The following LUC7L variants were observed in gnomAD, a reference collection of about 807,000 sequenced individuals.
LUC7L encodes the protein putative RNA-binding protein Luc7-like 1.
LUC7L carries 29 observed loss-of-function variants against 51.1 expected under a neutral mutation model. The observed-to-expected ratio is 0.57, with a 90% CI of 0.42 to 0.77. The LOEUF (loss-of-function observed/expected upper bound fraction) is 0.77. Among genes scored for constraint, LUC7L ranks in the 30% least tolerant of loss-of-function variants. LUC7L has a pLI of 0.00. For synonymous variants in LUC7L, 181 were observed against 180.7 expected, an observed-to-expected ratio of 1.00 and a Z score of -0.01; for missense variants, 403 against 511.9, an observed-to-expected ratio of 0.79 and a Z score of 2.05.
In LUC7L at chr16:189,285, C is replaced by A. The variant is rs766781976; in HGVS notation, c.1029G>T (p.Glu343Asp). The change falls in exon 10 of 10, where the codon GAG (glutamate) becomes GAT (aspartate). Residue 343 changes from glutamate (E) to aspartate (D), a missense_variant. Glu to Asp is a conservative substitution (Grantham distance 45). Coordinates refer to ENST00000293872, the MANE Select transcript of LUC7L (RefSeq NM_201412.3). Reference sequence around the variant, plus strand: ...CAAGCCTCCAGTCCGGGGGCCCTCGCTCGCTCCGCCCGCTCTCCCAGGACT... The same window carrying A: ...CAAGCCTCCAGTCCGGGGGCCCTCGATCGCTCCGCCCGCTCTCCCAGGACT... ...REESWESGRSERGPPDWRLES... is the reference protein window; with the variant it reads ...REESWESGRSDRGPPDWRLES... The A allele has an allele frequency of 6.2e-7, 1 of 1,613,708 alleles. No individual in the cohort carries two copies. The highest frequency in any genetic ancestry group is 1.1e-5 in the South Asian group (1 of 91,022).
At chr16:199,756 CAAAAAAAAAAAAAAA>C (rs11361921) in intron 5 of LUC7L, among the ~76,000 whole-genome samples, 1 of 61,724 alleles carries the variant, frequency 1.6e-5, no homozygotes, top group South Asian at 5.8e-4. Context: ...AACCCTGTCT[CAAAAAAAAAAAAAAA>C]AAAAAAAAGA....
chr16:194,584 T>A (rs2049101635), intron 6 of LUC7L, among the ~76,000 whole-genome samples: 1 of 152,164 alleles, frequency 6.6e-6, no homozygotes, highest in African/African-American at 2.4e-5. Flanking sequence ...GGGAGCAGAA[T>A]CCCTACAGCC....
At chr16:215,586 G>C (rs1214735769) in intron 3 of LUC7L, among the ~76,000 whole-genome samples, 1 of 149,418 alleles carries the variant, frequency 6.7e-6, no homozygotes, top group Non-Finnish European at 1.5e-5. Flanking sequence ...TCGCGCCATT[G>C]CACTCCAGCC....
At position 229,407 on chromosome 16, in the gene LUC7L, G is replaced by T; in HGVS notation, c.-68C>A. On this transcript the variant is annotated 5_prime_UTR_variant, in exon 1 of 10. Transcript: ENST00000293872. Reference sequence around the variant, plus strand: ...TCAGGCAGGCGGTGGCAGCGGCGTCGACAAACGATGGTCGCGTCGGCCTCG... The same window carrying T: ...TCAGGCAGGCGGTGGCAGCGGCGTCTACAAACGATGGTCGCGTCGGCCTCG... 2.9e-6 allele frequency: 4 copies of T among 1,357,576 alleles called. No homozygotes were observed. Among genetic ancestry groups the T allele is most frequent in the South Asian group, 1.5e-5 (1 of 68,700 alleles). 84.1% of individuals were successfully genotyped at this position (1,357,576 alleles called of 1,614,324 possible). A position where few individuals can be genotyped will look rare whatever the true frequency, so the allele number is the denominator to read the frequency against.
chr16:210,105 T>C (rs994257692), intron 3 of LUC7L, among the ~76,000 whole-genome samples: 1 of 152,236 alleles, frequency 6.6e-6, no homozygotes, highest in Non-Finnish European at 1.5e-5. Flanking sequence ...TTGACCAACA[T>C]GGAGAAACCC....
chr16:205,141 G>A (rs2049446359), intron 5 of LUC7L, among the ~76,000 whole-genome samples: 2 of 152,116 alleles, frequency 1.3e-5, no homozygotes, highest in East Asian at 1.9e-4. Flanking sequence ...ATCTCTCTAC[G>A]GCGAATGCTG....
intron 3 of LUC7L, chr16:209,138 C>G (rs1044572362): frequency 6.6e-6 from 1 of 151,796 alleles, no homozygotes; most frequent in Non-Finnish European, 1.5e-5. Context: ...GAACTGAGAC[C>G]AGACCACCAC....
In LUC7L at chr16:229,417, G is replaced by C; in HGVS notation, c.-78C>G. The C allele has an allele frequency of 5.4e-6, 7 of 1,305,532 alleles. No individual in the cohort carries two copies. The highest frequency in any genetic ancestry group is 7.1e-6 in the Non-Finnish European group (7 of 984,216). The allele number at this position is 1,305,532 out of a possible 1,614,324, so 80.9% of individuals were successfully genotyped here. ...GGTGGCAGCGGCGTCGACAAACGAT[G>C]GTCGCGTCGGCCTCGAGCCCACTCG... On this transcript the variant is annotated 5_prime_UTR_variant, in exon 1 of 10. Transcript: ENST00000293872.
At chr16:196,708 A>G (rs936422077) in intron 6 of LUC7L, among the ~76,000 whole-genome samples, 1 of 151,714 alleles carries the variant, frequency 6.6e-6, no homozygotes, top group East Asian at 2.0e-4. Flanking sequence ...TTGTGTTTTC[A>G]GTAGAGACAG....
intron 3 of LUC7L, among the ~76,000 whole-genome samples, chr16:211,781 T>C (rs2049647304): frequency 6.6e-6 from 1 of 152,178 alleles, no homozygotes; most frequent in Non-Finnish European, 1.5e-5. Flanking sequence ...CCTAACAGTA[T>C]GGCAAAACTG....
intron 2 of LUC7L, among the ~76,000 whole-genome samples, chr16:226,626 G>C (rs1012302082): frequency 6.6e-6 from 1 of 152,138 alleles, no homozygotes; most frequent in Non-Finnish European, 1.5e-5. Context: ...GGAAGAAAAT[G>C]TACCTTGCTA....
intron 5 of LUC7L, among the ~76,000 whole-genome samples, 179 bp downstream of exon 5, chr16:205,825 G>A (rs2049468422): frequency 6.6e-6 from 1 of 152,154 alleles, no homozygotes; most frequent in South Asian, 2.1e-4. Context: ...TCCTGACCTC[G>A]TGATCCGCCC....
intron 5 of LUC7L, among the ~76,000 whole-genome samples, chr16:201,014 A>T (rs1186045181): frequency 1.3e-5 from 2 of 151,672 alleles, no homozygotes; most frequent in African/African-American, 4.8e-5. Context: ...TTAAAAATAC[A>T]AAAAAATTAG....
At chr16:203,851 CTAAAAA>C in intron 5 of LUC7L, among the ~76,000 whole-genome samples, 1 of 151,890 alleles carries the variant, frequency 6.6e-6, no homozygotes, top group Admixed American at 6.6e-5. Context: ...CATATCTCTA[CTAAAAA>C]CACAAAAAAT....
chr16:203,748 G>T (rs1302585356), intron 5 of LUC7L, among the ~76,000 whole-genome samples: 1 of 151,268 alleles, frequency 6.6e-6, no homozygotes, highest in African/African-American at 2.4e-5. Context: ...TGGGCGCGGT[G>T]GCTCACACCT....
At chr16:211,696 A>G (rs1217604268) in intron 3 of LUC7L, among the ~76,000 whole-genome samples, 1 of 138,880 alleles carries the variant, frequency 7.2e-6, no homozygotes, top group African/African-American at 2.5e-5. Context: ...ATCTCTCTCT[A>G]TCTCTGAGTA....
At chr16:225,521 T>C (rs1280959452) in intron 2 of LUC7L, among the ~76,000 whole-genome samples, 16 of 135,580 alleles carry the variant, frequency 1.2e-4, no homozygotes, top group Non-Finnish European at 2.4e-4. Flanking sequence ...AGTTTTGCTC[T>C]TGTTGCCCAG....
rs1042030623 is a variant in LUC7L, at chr16:229,404, G to A, written c.-65C>T. ...CTCTCAGGCAGGCGGTGGCAGCGGC[G>A]TCGACAAACGATGGTCGCGTCGGCC... On this transcript the variant is annotated 5_prime_UTR_variant, in exon 1 of 10. In the 5' UTR this introduces an upstream ATG that the reference lacks. Coordinates refer to ENST00000293872, the MANE Select transcript of LUC7L (RefSeq NM_201412.3). The A allele has an allele frequency of 5.1e-6, 7 of 1,371,430 alleles. No individual in the cohort carries two copies. In the African/African-American group the frequency reaches 9.1e-5, roughly 18 times the overall value. The allele number at this position is 1,371,430 out of a possible 1,614,324, so 85.0% of individuals were successfully genotyped here.
At chr16:216,290 C>T (rs1054130773) in intron 3 of LUC7L, among the ~76,000 whole-genome samples, 4 of 152,034 alleles carry the variant, frequency 2.6e-5, no homozygotes, top group Non-Finnish European at 5.9e-5. Context: ...GTGTGAGCCA[C>T]AGGGCCCGGC....
Sources: gnomAD v4.1 joint callset for allele counts (sites outside exome capture counted in the v4.1 genomes callset) on GRCh38, gnomAD v4.1.1 for gene constraint, MANE v1.5 for transcripts, NCBI Gene and HGNC (gene_info 2026-07-23, HGNC 2026-07-21) for gene names.